The following DDX25 variants were observed in gnomAD, a reference collection of about 807,000 sequenced individuals.
DDX25 encodes the protein ATP-dependent RNA helicase DDX25.
In DDX25, 70 loss-of-function variants were observed where a neutral mutation model predicts 64.6. The observed-to-expected ratio is 1.08, with a 90% confidence interval of 0.89 to 1.32. DDX25 has a LOEUF of 1.32. DDX25 is among the 40% of genes most tolerant of loss of function. The pLI is 0.00. For synonymous variants in DDX25, 211 were observed against 213.3 expected (o/e 0.99, Z 0.09); for missense variants, 587 against 604.4 (o/e 0.97, Z 0.30).
intron 1 of DDX25, among the ~76,000 whole-genome samples, 169 bp from the exon 2 acceptor site, chr11:125,905,043 T>G (rs184902739): frequency 2.0e-5 from 3 of 152,278 alleles, no homozygotes; most frequent in Non-Finnish European, 4.4e-5. Context: ...TTAGGGTAAC[T>G]CATACAGGAA....
At chr11:125,907,581 C>T (rs1218098587) in intron 4 of DDX25, among the ~76,000 whole-genome samples, 1 of 151,628 alleles carries the variant, frequency 6.6e-6, no homozygotes, top group Non-Finnish European at 1.5e-5. Flanking sequence ...GCACTCCAGC[C>T]TGGGCGACAG....
chr11:125,920,127 A>G (rs1375825073), intron 10 of DDX25, among the ~76,000 whole-genome samples: 2 of 152,190 alleles, frequency 1.3e-5, no homozygotes, highest in Non-Finnish European at 2.9e-5. Context: ...CTTCCGAGGC[A>G]GCCTTCAATC....
At position 125,904,581 on chromosome 11, in the gene DDX25, G is replaced by C; in HGVS notation, c.63+1G>C. On this transcript the variant is annotated splice_donor_variant, in intron 1 of 11. Coordinates refer to ENST00000263576, the MANE Select transcript of DDX25 (RefSeq NM_013264.5). LOFTEE classifies it high-confidence loss of function. ...GGAGAGCGAGCGGCTGAACAGCCAC[G>C]TAACCGCCACCGAGCCGGGGGGCCA... 2 of 1,486,270 alleles carry C rather than the reference G, an allele frequency of 1.3e-6. No homozygotes were observed. The highest frequency in any genetic ancestry group is 1.8e-6 in the Non-Finnish European group (2 of 1,118,344). 92.1% of individuals were successfully genotyped at this position (1,486,270 alleles called of 1,614,324 possible).
chr11:125,904,698 T>A, intron 1 of DDX25, 118 bp downstream of exon 1: 1 of 1,184,368 alleles, frequency 8.4e-7, no homozygotes, highest in Non-Finnish European at 1.2e-6. Flanking sequence ...CGTCAGATGC[T>A]GGAGGGGAGA....
intron 9 of DDX25, 38 bp downstream of exon 9, chr11:125,917,289 T>C (rs1320921699): frequency 1.3e-6 from 2 of 1,552,510 alleles, no homozygotes; most frequent in East Asian, 4.7e-5. Flanking sequence ...AGCCCAGATA[T>C]GCCTACAGGC....
rs577884757 is a variant in DDX25, at chr11:125,916,309, A to G, written c.801-705A>G. Among the ~76,000 whole-genome samples, 56 of 152,328 alleles carry G rather than the reference A, an allele frequency of 3.7e-4. 1 individual carries two copies. In the South Asian group the frequency reaches 0.011, roughly 29 times the overall value. ...ATTGAGTGATTTATCACAAGAAGCC[A>G]TGCTCTTGTAACAGCAGCCCAGATG... On this transcript the variant is annotated intron_variant, in intron 8 of 11. Transcript: ENST00000263576.
chr11:125,905,624 T>C (rs1242484595), intron 3 of DDX25, 27 bp downstream of exon 3: 3 of 1,539,826 alleles, frequency 1.9e-6, no homozygotes, highest in Admixed American at 2.0e-5. Context: ...TTTGCATGTA[T>C]CTACTAGCAT....
intron 7 of DDX25, 92 bp from the exon 8 acceptor site, chr11:125,911,219 T>A (rs1365140769): frequency 1.4e-5 from 16 of 1,165,814 alleles, no homozygotes; most frequent in Non-Finnish European, 1.7e-5. Context: ...AACTGTATTT[T>A]TGCTTATGAG....
intron 4 of DDX25, 112 bp downstream of exon 4, chr11:125,906,321 A>ATTT (rs34692223): frequency 0.048 from 49,500 of 1,038,698 alleles, 242 homozygotes; most frequent in Non-Finnish European, 0.053. Flanking sequence ...GATATTCAAT[A>ATTT]TTTTTTTTTG....
chr11:125,906,238 A>G (rs771288016), intron 4 of DDX25, 29 bp downstream of exon 4: 4 of 1,514,498 alleles, frequency 2.6e-6, no homozygotes, highest in Admixed American at 2.4e-5. Context: ...TTAATATGGG[A>G]AAAATGCTGA....
intron 8 of DDX25, 122 bp downstream of exon 8, chr11:125,911,610 T>G: frequency 9.2e-7 from 1 of 1,083,650 alleles, no homozygotes; most frequent in South Asian, 1.7e-5. Flanking sequence ...TAAAATAAAT[T>G]TGAGTTTTTA....
chr11:125,911,049 G>GT, intron 7 of DDX25, among the ~76,000 whole-genome samples: 1 of 151,814 alleles, frequency 6.6e-6, no homozygotes, highest in East Asian at 1.9e-4. Context: ...AATATTTCAT[G>GT]ATTTATTTAA....
chr11:125,920,952 A>ACG, intron 10 of DDX25: 1 of 480,428 alleles, frequency 2.1e-6, no homozygotes, highest in Non-Finnish European at 3.7e-6. Flanking sequence ...ACACACACAC[A>ACG]CGCCTTGTGT....
chr11:125,904,450 A>G, upstream of DDX25: 2 of 1,331,912 alleles, frequency 1.5e-6, no homozygotes, highest in South Asian at 1.9e-5. Context: ...TGGCCAGCGG[A>G]TGGGGCCAGC....
At chr11:125,919,824 G>A (rs1057013729) in intron 10 of DDX25, among the ~76,000 whole-genome samples, 3 of 152,204 alleles carry the variant, frequency 2.0e-5, no homozygotes, top group African/African-American at 7.2e-5. Flanking sequence ...CTGCAGTGAT[G>A]GAAATGTTCT....
At chr11:125,913,075 G>A (rs1017716625) in intron 8 of DDX25, among the ~76,000 whole-genome samples, 1 of 150,956 alleles carries the variant, frequency 6.6e-6, no homozygotes, top group Non-Finnish European at 1.5e-5. Flanking sequence ...GGAGAATGGC[G>A]TGAACCCGGG....
intron 8 of DDX25, among the ~76,000 whole-genome samples, chr11:125,914,831 G>A (rs541434584): frequency 2.0e-4 from 30 of 152,246 alleles, no homozygotes; most frequent in African/African-American, 6.7e-4. Flanking sequence ...TTGCCTCCTG[G>A]GTTCAAGCAG....
intron 8 of DDX25, 110 bp from the exon 9 acceptor site, chr11:125,916,904 A>G (rs1945044865): frequency 1.9e-6 from 2 of 1,030,932 alleles, no homozygotes; most frequent in East Asian, 5.2e-5. Context: ...TGCAGGCAGC[A>G]CCTCACGTGG....
intron 9 of DDX25, 93 bp downstream of exon 9, chr11:125,917,344 T>A: frequency 8.6e-7 from 1 of 1,167,170 alleles, no homozygotes. Context: ...AGGCACCATG[T>A]TCAGCACTTC....
Sources: allele counts gnomAD v4.1 joint callset (sites outside exome capture counted in the v4.1 genomes callset), GRCh38; gene constraint gnomAD v4.1.1; transcripts MANE v1.5; gene names NCBI Gene and HGNC (gene_info 2026-07-23, HGNC 2026-07-21).